The following RAB3IL1 variants were observed in gnomAD, a reference collection of about 807,000 sequenced individuals.
RAB3IL1 encodes guanine nucleotide exchange factor for Rab-3A.
A neutral mutation model predicts 49.2 loss-of-function variants in RAB3IL1; 37 were observed. The observed-to-expected ratio is 0.75, with a 90% confidence interval of 0.58 to 0.99. RAB3IL1 has a LOEUF of 0.99. RAB3IL1 is among the 50% of genes least tolerant of loss of function. The pLI is 0.00. For synonymous variants in RAB3IL1, 193 were observed against 213.9 expected (o/e 0.90, Z 0.85); for missense variants, 484 against 513.0 (o/e 0.94, Z 0.55).
chr11:61,934,319 T>TACACACACACACACACACACACACAC, the RAB3IL1 span, among the ~76,000 whole-genome samples: 1 of 126,526 alleles, frequency 7.9e-6, no homozygotes, highest in African/African-American at 2.9e-5. Context: ...TGAGTAAATA[T>TACACACACACACACACACACACACAC]ACACACACAC....
intron 8 of RAB3IL1, 95 bp from the exon 9 acceptor site, chr11:61,899,475 C>T: frequency 1.6e-6 from 2 of 1,235,820 alleles, no homozygotes; most frequent in African/African-American, 1.5e-5. Flanking sequence ...GCCCCAGGTC[C>T]CTGCAGAGCC....
Position 61,898,730 on chromosome 11 carries a change from C to G in RAB3IL1, c.1067-370G>C, listed in dbSNP as rs913847013. The G allele has an allele frequency of 2.1e-6, 1 of 481,478 alleles. No individual in the cohort carries two copies. The highest frequency in any genetic ancestry group is 3.1e-4 in the Middle Eastern group (1 of 3,200). 29.8% of individuals were successfully genotyped at this position (481,478 alleles called of 1,614,324 possible). A position where few individuals can be genotyped will look rare whatever the true frequency, so the allele number is the denominator to read the frequency against. ...CTCACAAGGACCCTGCGCAGTGAGG[C>G]GGGGACCACAGCGGCCATCCAGGGA... is the stretch of plus-strand genomic sequence containing the variant. On this transcript the variant is annotated intron_variant, in intron 9 of 9. Transcript: ENST00000394836. This position sits in a 1 kb window ranked among gnomAD's most constrained non-coding sequence, Gnocchi z 5.1.
At position 61,904,634 on chromosome 11, in the gene RAB3IL1, C is replaced by G; in HGVS notation, c.811G>C (p.Val271Leu). ...TCAATGGTGAGCGTGTTGTCCTCCA[C>G]GGCGGCCCGTACCAGCACCGAGAGC... Reference protein sequence around the residue: ...QELSVLVRAAVEDNTLTIEPV... With the variant: ...QELSVLVRAALEDNTLTIEPV... Residue 271 changes from valine to leucine, a missense_variant, in exon 7 of 10, where the codon GTG becomes CTG. By Grantham distance (32) the Val-to-Leu change is conservative. Coordinates refer to ENST00000394836, the MANE Select transcript of RAB3IL1 (RefSeq NM_013401.4). 1 of 1,612,264 alleles carries G rather than the reference C, an allele frequency of 6.2e-7. No individual in the cohort carries two copies. Among genetic ancestry groups the G allele is most frequent in the Non-Finnish European group, 8.5e-7 (1 of 1,179,338 alleles).
chr11:61,932,105 G>A, the RAB3IL1 span, among the ~76,000 whole-genome samples: 1 of 151,940 alleles, frequency 6.6e-6, no homozygotes, highest in Non-Finnish European at 1.5e-5. Context: ...CAAAAAATTA[G>A]CTGGGCGTGG....
chr11:61,930,516 T>C, the RAB3IL1 span, among the ~76,000 whole-genome samples: 3 of 152,198 alleles, frequency 2.0e-5, no homozygotes, highest in African/African-American at 7.2e-5. Flanking sequence ...TGGTGAATTA[T>C]GCATGTAATC....
intron 1 of RAB3IL1, among the ~76,000 whole-genome samples, chr11:61,911,792 C>T (rs367594542): frequency 6.6e-6 from 1 of 152,188 alleles, no homozygotes; most frequent in Non-Finnish European, 1.5e-5. Flanking sequence ...CTCCCACTGC[C>T]GAGAGGCCCA....
intron 5 of RAB3IL1, among the ~76,000 whole-genome samples, chr11:61,905,671 TC>T (rs36035416): frequency 0.31 from 46,554 of 152,016 alleles, 8,354 homozygotes; most frequent in Non-Finnish European, 0.42. Context: ...CTGCTCGTCT[TC>T]CCTGGAGGCC....
At chr11:61,901,959 G>T (rs1938938912) in intron 8 of RAB3IL1, among the ~76,000 whole-genome samples, 1 of 152,214 alleles carries the variant, frequency 6.6e-6, no homozygotes, top group African/African-American at 2.4e-5. Context: ...CACTGCCCTT[G>T]GCTTGGCTGT....
the RAB3IL1 span, among the ~76,000 whole-genome samples, chr11:61,934,446 GTATGTATATA>G: frequency 8.2e-5 from 2 of 24,408 alleles, no homozygotes; most frequent in African/African-American, 1.6e-4. Context: ...GTGTGTGTGT[GTATGTATATA>G]TATATATATA....
At chr11:61,922,758 G>A (rs1322202441), upstream of RAB3IL1, among the ~76,000 whole-genome samples, 3 of 152,030 alleles carry the variant, frequency 2.0e-5, no homozygotes, top group African/African-American at 7.2e-5. Context: ...TTTGGGCTGC[G>A]AAGCTCTCTC....
the RAB3IL1 span, among the ~76,000 whole-genome samples, chr11:61,943,988 T>A: frequency 5.9e-5 from 9 of 152,228 alleles, no homozygotes; most frequent in Non-Finnish European, 2.9e-5. Flanking sequence ...ATAACAAGCA[T>A]TTAGTCCTTT....
intron 8 of RAB3IL1, chr11:61,899,885 CG>C: frequency 6.2e-6 from 1 of 160,134 alleles, no homozygotes; most frequent in Non-Finnish European, 1.4e-5. Context: ...CTGGGCTGCC[CG>C]GGGCCCCTGG....
chr11:61,935,630 T>C, the RAB3IL1 span, among the ~76,000 whole-genome samples: 2 of 151,862 alleles, frequency 1.3e-5, no homozygotes, highest in Non-Finnish European at 2.9e-5. Context: ...CTCTACTGCC[T>C]CAGCCTCCCG....
In RAB3IL1 at chr11:61,904,556, T is replaced by C. The variant is rs771568424; in HGVS notation, c.889A>G (p.Ser297Gly). Residue 297 changes from serine to glycine, a missense_variant, in exon 7 of 10, where the codon AGC (serine) becomes GGC (glycine). By Grantham distance (56) the Ser-to-Gly change is moderately conservative (BLOSUM62 0). Coordinates refer to ENST00000394836, the MANE Select transcript of RAB3IL1 (RefSeq NM_013401.4). ...PTVKVAEVDC[S>G]STNTCALSGL... ...AGACCCTCAGCTTACTTGGTGCTGC[T>C]ACAGTCAACCTCGGCCACCTTCACT... 1 of 1,610,250 alleles carries C rather than the reference T, an allele frequency of 6.2e-7. No individual in the cohort carries two copies. The highest frequency in any genetic ancestry group is 1.3e-5 in the African/African-American group (1 of 75,020).
the RAB3IL1 span, among the ~76,000 whole-genome samples, chr11:61,944,505 G>C: frequency 2.0e-5 from 3 of 152,034 alleles, no homozygotes; most frequent in Admixed American, 2.0e-4. Flanking sequence ...GAGAAGCCAG[G>C]TTCTAGAAGT....
upstream of RAB3IL1, among the ~76,000 whole-genome samples, chr11:61,924,209 C>T (rs1166555341): frequency 1.3e-5 from 2 of 152,136 alleles, no homozygotes; most frequent in Admixed American, 1.3e-4. Flanking sequence ...GGGTACAGAG[C>T]GGGGCTAGCA....
At chr11:61,909,648 C>T (rs1157455471) in intron 1 of RAB3IL1, among the ~76,000 whole-genome samples, 1 of 152,206 alleles carries the variant, frequency 6.6e-6, no homozygotes, top group Non-Finnish European at 1.5e-5. Flanking sequence ...AGTGTCTATG[C>T]CAGACAGGGC....
upstream of RAB3IL1, among the ~76,000 whole-genome samples, chr11:61,922,247 G>T (rs912409561): frequency 2.0e-5 from 3 of 152,032 alleles, no homozygotes; most frequent in South Asian, 2.1e-4. Context: ...ACAGCTGGGG[G>T]CGTTGGCTCA....
Position 61,910,644 on chromosome 11 carries a change from T to C in RAB3IL1, c.12-2338A>G, listed in dbSNP as rs539623550. Among the ~76,000 whole-genome samples, 10 of 152,270 alleles carry C rather than the reference T, an allele frequency of 6.6e-5. No homozygotes were observed. In the East Asian group the frequency reaches 1.9e-3, roughly 29 times the overall value. ...CCACAGCCATGTTTGGCTGAGACAC[T>C]CACGAAGCCTGCCTGGGCTCTGGGT... On this transcript the variant is annotated intron_variant, in intron 1 of 9. Transcript: ENST00000394836.
Sources: gnomAD v4.1 joint callset for allele counts (sites outside exome capture counted in the v4.1 genomes callset) on GRCh38, gnomAD v4.1.1 for gene constraint, Gnocchi (gnomAD v3.1) non-coding constraint, MANE v1.5 for transcripts, NCBI Gene and HGNC (gene_info 2026-07-23, HGNC 2026-07-21) for gene names.